The following TOX2 variants were observed in gnomAD, a reference collection of about 807,000 sequenced individuals.
The protein encoded by TOX2 is granulosa cell HMG box 1.
Under a neutral mutation model 47.4 loss-of-function variants are expected in TOX2, and 15 were observed. The ratio of observed to expected loss-of-function variants is 0.32; its 90% CI spans 0.21 to 0.49. The LOEUF is 0.49. Ranked by LOEUF, TOX2 falls within the 20% of genes least tolerant of loss-of-function variation. TOX2 has a pLI of 0.99. For missense variants in TOX2, 622 were observed against 673.1 expected, an observed-to-expected ratio of 0.92 and a Z score of 0.84; for synonymous variants, 290 against 296.6, an observed-to-expected ratio of 0.98 and a Z score of 0.23.
intron 2 of TOX2, among the ~76,000 whole-genome samples, chr20:43,981,920 C>T (rs559447076): frequency 2.1e-4 from 31 of 149,536 alleles, no homozygotes; most frequent in Non-Finnish European, 4.3e-4. Context: ...ATGAAGATTC[C>T]ATAGAAGGGA....
intron 1 of TOX2, among the ~76,000 whole-genome samples, chr20:43,966,193 A>C (rs2069849802): frequency 6.6e-6 from 1 of 152,202 alleles, no homozygotes; most frequent in Admixed American, 6.5e-5. Flanking sequence ...AGTGAAGTTA[A>C]AGTCACTGAG....
intron 1 of TOX2, among the ~76,000 whole-genome samples, chr20:43,969,153 A>G (rs1173660996): frequency 6.6e-6 from 1 of 152,188 alleles, no homozygotes; most frequent in Non-Finnish European, 1.5e-5. Flanking sequence ...ACATGTGCAC[A>G]CTCATGCCTG....
rs113947705 is a variant in TOX2 at position 43,933,937 on chromosome 20, C to T, written c.99+18947C>T. Among the ~76,000 whole-genome samples, 1,362 of 152,170 alleles carry T rather than the reference C, an allele frequency of 9.0e-3. 21 individuals are homozygous for T. Among genetic ancestry groups the T allele is most frequent in the East Asian group, 0.058 (300 of 5,160 alleles). ...GGAGGGTGGACTGGGAGGCAGGACT[C>T]GGGCTCCGATGTGGACTCTGCTGTG... On this transcript the variant is annotated intron_variant, in intron 1 of 8. Transcript: ENST00000341197.
intron 2 of TOX2, among the ~76,000 whole-genome samples, chr20:43,977,226 C>G (rs976928428): frequency 2.6e-5 from 4 of 152,188 alleles, no homozygotes; most frequent in Non-Finnish European, 5.9e-5. Context: ...CCTCAGCCTC[C>G]CGAGTAGCTG....
chr20:43,959,808 C>T (rs1219535931), intron 1 of TOX2, among the ~76,000 whole-genome samples: 1 of 152,182 alleles, frequency 6.6e-6, no homozygotes, highest in Admixed American at 6.5e-5. Context: ...TTGTCAAATA[C>T]AAATATTGGC....
At position 44,064,755 on chromosome 20, in the gene TOX2, G is replaced by T. The variant is rs1013057652; in HGVS notation, c.880-22G>T. On this transcript the variant is annotated intron_variant, in intron 5 of 8. Transcript: ENST00000341197. ...CCTCTGTAACTTTCTCCCCAGTGTT[G>T]CTCATGTGTTGACTCTTCCAGGCCT... The T allele has an allele frequency of 1.9e-6, 3 of 1,612,312 alleles. No individual in the cohort carries two copies. The African/African-American group carries it at 4.0e-5, about 22-fold the overall frequency.
chr20:44,007,266 T>C (rs1355746204), intron 3 of TOX2: 1 of 167,306 alleles, frequency 6.0e-6, no homozygotes, highest in African/African-American at 2.4e-5. Context: ...CAGTGTTGTG[T>C]ACCTATAATC....
At chr20:43,951,707 G>GGTTTTTTTTTTTTTTTTTTTTTTTTTTTT (rs745489872) in intron 1 of TOX2, among the ~76,000 whole-genome samples, 3 of 55,094 alleles carry the variant, frequency 5.4e-5, no homozygotes, top group South Asian at 1.0e-3. Context: ...AACTTATTAT[G>GGTTTTTTTTTTTTTTTTTTTTTTTTTTTT]TTTTTTTTTT....
intron 1 of TOX2, among the ~76,000 whole-genome samples, chr20:43,955,588 A>C (rs898909493): frequency 6.6e-6 from 1 of 152,122 alleles, no homozygotes; most frequent in Non-Finnish European, 1.5e-5. Context: ...AGGGTTTGCA[A>C]ATTGCATGAG....
At chr20:44,066,207 A>G in intron 7 of TOX2, 100 bp downstream of exon 7, 1 of 1,323,596 alleles carries the variant, frequency 7.6e-7, no homozygotes, top group South Asian at 1.6e-5. Context: ...CAGTGATATA[A>G]CCTCAGCCTT....
intron 1 of TOX2, among the ~76,000 whole-genome samples, chr20:43,958,138 T>G (rs1181979302): frequency 6.6e-6 from 1 of 152,160 alleles, no homozygotes; most frequent in Non-Finnish European, 1.5e-5. Context: ...CTTGATACGT[T>G]TCCATACCTA....
At chr20:44,033,633 G>T (rs1324149896) in intron 3 of TOX2, among the ~76,000 whole-genome samples, 2 of 151,646 alleles carry the variant, frequency 1.3e-5, no homozygotes, top group African/African-American at 2.4e-5. Context: ...GAGCAAAAAG[G>T]TCATGTGATG....
chr20:44,065,381 T>C (rs1270237935), intron 6 of TOX2, among the ~76,000 whole-genome samples: 1 of 152,064 alleles, frequency 6.6e-6, no homozygotes, highest in Non-Finnish European at 1.5e-5. Flanking sequence ...TGGTTCAAAG[T>C]CAAGGGAAAA....
intron 3 of TOX2, among the ~76,000 whole-genome samples, chr20:44,034,068 C>T (rs950999235): frequency 2.0e-5 from 3 of 152,204 alleles, no homozygotes; most frequent in Admixed American, 6.5e-5. Context: ...TCTGGATACC[C>T]CTTTATCCTT....
At chr20:43,956,581 A>G (rs897313111) in intron 1 of TOX2, among the ~76,000 whole-genome samples, 2 of 131,864 alleles carry the variant, frequency 1.5e-5, no homozygotes, top group Admixed American at 8.4e-5. Context: ...AAAAAAAAAA[A>G]GACTGTTTTC....
intron 1 of TOX2, chr20:43,946,086 G>A (rs750486707): frequency 1.5e-5 from 24 of 1,605,550 alleles, no homozygotes; most frequent in East Asian, 4.5e-5. Context: ...TGGTCAGGCC[G>A]TCACTGTGGG....
chr20:43,994,301 C>CA (rs59613580), intron 2 of TOX2, among the ~76,000 whole-genome samples: 18 of 151,222 alleles, frequency 1.2e-4, no homozygotes, highest in East Asian at 1.9e-4. Context: ...CCCATCTCTA[C>CA]AAAAAAAATT....
intron 2 of TOX2, among the ~76,000 whole-genome samples, chr20:44,000,521 A>G (rs1355712412): frequency 1.3e-5 from 2 of 152,114 alleles, no homozygotes; most frequent in African/African-American, 4.8e-5. Flanking sequence ...TGAGGTATCA[A>G]TTAACATCCA....
At chr20:44,028,050 A>G in intron 3 of TOX2, among the ~76,000 whole-genome samples, 1 of 152,198 alleles carries the variant, frequency 6.6e-6, no homozygotes, top group Non-Finnish European at 1.5e-5. Context: ...TAAATGGAGC[A>G]CACAACCAGA....
Sources: gnomAD v4.1 joint callset for allele counts (sites outside exome capture counted in the v4.1 genomes callset) on GRCh38, gnomAD v4.1.1 for gene constraint, MANE v1.5 for transcripts, NCBI Gene and HGNC (gene_info 2026-07-23, HGNC 2026-07-21) for gene names.